AFF4: variants seen among roughly 807,000 people sequenced by gnomAD.
The protein encoded by AFF4 is ALF transcription elongation factor 4.
AFF4 carries 13 observed loss-of-function variants against 124.8 expected under a neutral mutation model. That is an observed-to-expected ratio of 0.10 (90% CI 0.07 to 0.17). The LOEUF (loss-of-function observed/expected upper bound fraction) is 0.17. AFF4 is among the 10% of genes least tolerant of loss of function. The pLI, the probability that AFF4 is intolerant of heterozygous loss-of-function variation, is 1.00. For synonymous variants in AFF4, 477 were observed against 496.1 expected, an observed-to-expected ratio of 0.96 and a Z score of 0.51; for missense variants, 1,092 against 1,403.8, an observed-to-expected ratio of 0.78 and a Z score of 3.55.
At chr5:132,907,053 C>CT (rs766249033) in intron 5 of AFF4, among the ~76,000 whole-genome samples, 1 of 152,120 alleles carries the variant, frequency 6.6e-6, no homozygotes, top group Non-Finnish European at 1.5e-5. Context: ...TCCAAATAAT[C>CT]TGATTTATTT....
chr5:132,942,546 C>T (rs1761596997), intron 1 of AFF4, among the ~76,000 whole-genome samples: 1 of 151,756 alleles, frequency 6.6e-6, no homozygotes, highest in South Asian at 2.1e-4. Flanking sequence ...CTCACCACAA[C>T]CTTCGCCTGC....
intron 20 of AFF4, among the ~76,000 whole-genome samples, chr5:132,882,316 G>A (rs1348781170): frequency 2.0e-5 from 3 of 151,918 alleles, no homozygotes; most frequent in Non-Finnish European, 4.4e-5. Flanking sequence ...TGTTCACGCT[G>A]TAAGTATTTA....
chr5:132,947,703 A>G (rs1761733035), intron 1 of AFF4, among the ~76,000 whole-genome samples: 2 of 152,216 alleles, frequency 1.3e-5, no homozygotes, highest in Admixed American at 1.3e-4. Context: ...AAGCCTCAAC[A>G]GTACATAAAT....
In AFF4 at chr5:132,886,211, G is replaced by A. The variant is rs932890959; in HGVS notation, c.3099+99C>T. 4 of 971,526 alleles carry A rather than the reference G, an allele frequency of 4.1e-6. No homozygotes were observed. The Admixed American group carries it at 8.9e-5, about 22-fold the overall frequency. 60.2% of individuals were successfully genotyped at this position (971,526 alleles called of 1,614,324 possible). On this transcript the variant is annotated intron_variant, in intron 18 of 20. Coordinates refer to ENST00000265343, the MANE Select transcript of AFF4 (RefSeq NM_014423.4). ...AGTCCCAAACAGTAGCTCCTCCCCTGGTGTGTTTTGCATAAACATGAGGGC... is the reference window on the plus strand; with the variant it reads ...AGTCCCAAACAGTAGCTCCTCCCCTAGTGTGTTTTGCATAAACATGAGGGC...
intron 7 of AFF4, among the ~76,000 whole-genome samples, chr5:132,901,444 T>C (rs1760549449): frequency 6.6e-6 from 1 of 152,212 alleles, no homozygotes; most frequent in Non-Finnish European, 1.5e-5. Context: ...CAGGCTAGGG[T>C]CATCACAGTA....
At chr5:132,929,172 T>C (rs999417537) in intron 4 of AFF4, among the ~76,000 whole-genome samples, 2 of 152,150 alleles carry the variant, frequency 1.3e-5, no homozygotes, top group African/African-American at 4.8e-5. Flanking sequence ...TGAAGTTCCT[T>C]GCATACTACA....
rs140405448 is a variant in AFF4 at position 132,887,962 on chromosome 5, A to G, written c.2817T>C (p.Ala939=). 6 of 1,613,634 alleles carry G rather than the reference A, an allele frequency of 3.7e-6. No homozygotes were observed. The African/African-American group carries it at 8.0e-5, about 22-fold the overall frequency. Residue 939 remains alanine (A), a synonymous_variant, in exon 16 of 21, where the codon GCT becomes GCC. Coordinates refer to ENST00000265343, the MANE Select transcript of AFF4 (RefSeq NM_014423.4). ...ATACCACAGCATCAAGATAGTATACAGCTTTCTCAAACCTATCAGACTGAA... is the reference window on the plus strand; with the variant it reads ...ATACCACAGCATCAAGATAGTATACGGCTTTCTCAAACCTATCAGACTGAA... The part of the protein sequence containing the change: ...ADALSDRFEK[A]VYYLDAVVSF...
chr5:132,942,425 C>T (rs1761592332), intron 1 of AFF4, among the ~76,000 whole-genome samples: 2 of 151,548 alleles, frequency 1.3e-5, no homozygotes, highest in Non-Finnish European at 2.9e-5. Flanking sequence ...TCTAGGTTAC[C>T]TTTCTGGAAG....
At chr5:132,937,238 A>C in intron 1 of AFF4, 45 bp from the exon 2 acceptor site, 1 of 1,548,256 alleles carries the variant, frequency 6.5e-7, no homozygotes, top group South Asian at 1.2e-5. Context: ...ATAAAAGGAA[A>C]AATTAAATAT....
At position 132,896,755 on chromosome 5, in the gene AFF4, T is replaced by G; in HGVS notation, c.1875A>C (p.Ala625=). ...TTGTTGACTTATATTTCTTTTTCTCTGCTGTAGGTCGAGGGGAAGACTTAG... is the reference window on the plus strand; with the variant it reads ...TTGTTGACTTATATTTCTTTTTCTCGGCTGTAGGTCGAGGGGAAGACTTAG... ...KESKSSPRPT[A]EKKKYKSTSK... is the part of the protein sequence containing the mutation. Residue 625 remains alanine, a synonymous_variant, in exon 11 of 21, where the codon GCA becomes GCC. Transcript: ENST00000265343. 6.2e-7 allele frequency: 1 copy of G among 1,614,224 alleles called. No homozygotes were observed. Among genetic ancestry groups the G allele is most frequent in the Non-Finnish European group, 8.5e-7 (1 of 1,180,046 alleles).
At chr5:132,911,607 A>G (rs1760791892) in intron 5 of AFF4, among the ~76,000 whole-genome samples, 1 of 152,000 alleles carries the variant, frequency 6.6e-6, no homozygotes, top group African/African-American at 2.4e-5. Flanking sequence ...CTCTGGGACA[A>G]CTTTAAGGGG....
Position 132,950,457 on chromosome 5 carries a change from G to A in AFF4, c.-5+12802C>T, listed in dbSNP as rs186272900. ...CATTGCACTCTAGCCTGGGCAATAA[G>A]AGCGAAACTCCATCTCAATAAATAA... On this transcript the variant is annotated intron_variant, in intron 1 of 20. Transcript: ENST00000265343. Among the ~76,000 whole-genome samples the A allele has an allele frequency of 3.1e-3, 466 of 151,850 alleles. 4 individuals carry two copies. Among genetic ancestry groups the A allele is most frequent in the South Asian group, 0.011 (51 of 4,798 alleles).
At position 132,889,186 on chromosome 5, in the gene AFF4, A is replaced by G; in HGVS notation, c.2638-13T>C. 1.3e-6 allele frequency: 2 copies of G among 1,569,232 alleles called. No homozygotes were observed. The highest frequency in any genetic ancestry group is 1.8e-6 in the Non-Finnish European group (2 of 1,139,998). On this transcript the variant is annotated splice_polypyrimidine_tract_variant and intron_variant, in intron 13 of 20. Transcript: ENST00000265343. ...TTGGAGCCTTTTCCTGACCAAAAAA[A>G]TATATAACTACAATGAAAACCGTAA... is the stretch of plus-strand genomic sequence containing the variant.
chr5:132,917,764 G>A lies in AFF4; in HGVS notation c.1050+9357C>T, dbSNP rs191478215. On this transcript the variant is annotated intron_variant, in intron 5 of 20. Transcript: ENST00000265343. ...GACTCACCTTGTCGCCCAGGCTGGA[G>A]TGCAATGGCGCAATCTCGGCTCACT... 5.0e-4 allele frequency among the ~76,000 whole-genome samples: 66 copies of A among 131,080 alleles called. 1 individual carries two copies. The East Asian group carries it at 0.014, about 27-fold the overall frequency. The allele number at this position is 131,080 out of a possible 152,430, so 86.0% of individuals were successfully genotyped here. A position where few individuals can be genotyped will look rare whatever the true frequency, so the allele number is the denominator to read the frequency against.
intron 12 of AFF4, 44 bp from the exon 13 acceptor site, chr5:132,892,448 C>T (rs774679548): frequency 9.0e-5 from 140 of 1,555,228 alleles, no homozygotes; most frequent in Non-Finnish European, 1.2e-4. Flanking sequence ...CACAGTAATA[C>T]AGGGGTAATT....
At chr5:132,943,163 G>A (rs142083779) in intron 1 of AFF4, 134 of 173,848 alleles carry the variant, frequency 7.7e-4, no homozygotes, top group Non-Finnish European at 1.4e-3. Context: ...TTTGAAGCTG[G>A]TATCTCCTTC....
chr5:132,898,474 CTTTT>C, intron 9 of AFF4, 82 bp from the exon 10 acceptor site: 1 of 1,412,056 alleles, frequency 7.1e-7, no homozygotes, highest in Non-Finnish European at 9.5e-7. Flanking sequence ...AACCAACTTT[CTTTT>C]TTTCTTCTTG....
intron 1 of AFF4, among the ~76,000 whole-genome samples, chr5:132,953,429 T>C (rs947951576): frequency 1.3e-5 from 2 of 151,908 alleles, no homozygotes; most frequent in African/African-American, 4.8e-5. Flanking sequence ...TTTCAATTTT[T>C]TGTAGAGACA....
At chr5:132,907,960 G>C (rs1760707284) in intron 5 of AFF4, among the ~76,000 whole-genome samples, 1 of 152,140 alleles carries the variant, frequency 6.6e-6, no homozygotes, top group Admixed American at 6.5e-5. Flanking sequence ...TTAAGTAGGA[G>C]AGTTACACAA....
Sources: allele counts gnomAD v4.1 joint callset (sites outside exome capture counted in the v4.1 genomes callset), GRCh38; gene constraint gnomAD v4.1.1; transcripts MANE v1.5; gene names NCBI Gene and HGNC (gene_info 2026-07-23, HGNC 2026-07-21).